The following NOD2 variants were observed in gnomAD, a reference collection of about 807,000 sequenced individuals.
NOD2 encodes the protein nucleotide binding oligomerization domain containing 2, also known as nucleotide-binding oligomerization domain-containing protein 2.
NOD2 carries 86 observed loss-of-function variants against 90.9 expected under a neutral mutation model. The observed-to-expected ratio is 0.95, with a 90% CI of 0.79 to 1.13. The LOEUF is 1.13. NOD2 is among the 50% of genes most tolerant of loss of function. The pLI, the probability that NOD2 is intolerant of heterozygous loss-of-function variation, is 0.00. For synonymous variants in NOD2, 581 were observed against 554.6 expected, an observed-to-expected ratio of 1.05 and a Z score of -0.67; for missense variants, 1,238 against 1,283.8, an observed-to-expected ratio of 0.96 and a Z score of 0.55.
At position 50,731,796 on chromosome 16, in the gene NOD2, A is replaced by G. The variant is rs752783717; in HGVS notation, c.3019A>G (p.Arg1007Gly). The change falls in exon 12 of 12, where the codon AGG becomes GGG. Residue 1007 changes from arginine (R) to glycine (G), a missense_variant. By Grantham distance (125) the Arg-to-Gly change is moderately radical. Transcript: ENST00000647318. Reference sequence around the variant, plus strand: ...AGAGGAGGTTGACAAGCTCGGCTGCAGGGACACCAGACTCTTGCTTTGAAG... The same window carrying G: ...AGAGGAGGTTGACAAGCTCGGCTGCGGGGACACCAGACTCTTGCTTTGAAG... ...SLEEVDKLGCRDTRLLL is the reference protein window; with the variant it reads ...SLEEVDKLGCGDTRLLL 6.2e-7 allele frequency: 1 copy of G among 1,613,742 alleles called. No individual in the cohort carries two copies. The highest frequency in any genetic ancestry group is 1.3e-5 in the African/African-American group (1 of 75,036).
At chr16:50,703,832 G>A (rs963963312) in intron 2 of NOD2, among the ~76,000 whole-genome samples, 1 of 152,092 alleles carries the variant, frequency 6.6e-6, no homozygotes, top group African/African-American at 2.4e-5. Flanking sequence ...GAAGTCAGTC[G>A]GCAATGCCAT....
intron 4 of NOD2, chr16:50,712,885 A>T (rs970593373): frequency 5.6e-6 from 1 of 177,594 alleles, no homozygotes; most frequent in Non-Finnish European, 1.2e-5. Context: ...CTTGTGCCCC[A>T]TCAGAGACTT....
chr16:50,723,672 C>T (rs1965167587), intron 9 of NOD2, among the ~76,000 whole-genome samples: 1 of 151,974 alleles, frequency 6.6e-6, no homozygotes, highest in African/African-American at 2.4e-5. Flanking sequence ...TCAAGCAGGC[C>T]GTGATCTTAG....
chr16:50,707,838 T>C lies in NOD2; in HGVS notation c.460-17T>C. 4 of 1,585,422 alleles carry C rather than the reference T, an allele frequency of 2.5e-6. No homozygotes were observed. Among genetic ancestry groups the C allele is most frequent in the Non-Finnish European group, 3.5e-6 (4 of 1,153,746 alleles). On this transcript the variant is annotated splice_polypyrimidine_tract_variant and intron_variant, in intron 2 of 11. Transcript: ENST00000647318. ...TCAGCCTTCCTGGAAGAATAATGTC[T>C]TCTGCCTTTCCTGTAGGCAAGAAGG...
At chr16:50,709,142 T>C (rs1964341758) in intron 3 of NOD2, among the ~76,000 whole-genome samples, 1 of 152,126 alleles carries the variant, frequency 6.6e-6, no homozygotes, top group Non-Finnish European at 1.5e-5. Flanking sequence ...ATATCTGATA[T>C]GTACTGGAGA....
In NOD2 at chr16:50,699,504, G is replaced by A. The variant is rs774491311; in HGVS notation, c.9G>A (p.Ser3=). 19 of 1,613,330 alleles carry A rather than the reference G, an allele frequency of 1.2e-5. No homozygotes were observed. The highest frequency in any genetic ancestry group is 5.0e-5 in the Admixed American group (3 of 60,006). The change falls in exon 2 of 12, where the codon TCG becomes TCA. Residue 3 remains serine, a synonymous_variant. Transcript: ENST00000647318. MC[S]QEAFQAQRSQ... ...CCTCCCCAGGTTGTGAAATGTGCTC[G>A]CAGGAGGCTTTTCAGGCACAGAGGA...
rs543921198 is a variant in NOD2, at chr16:50,728,834, C to G, written c.2886-984C>G. On this transcript the variant is annotated intron_variant, in intron 10 of 11. Transcript: ENST00000647318. ...GTCTCCCCTCCCTGTTGTCAGCTAC[C>G]TCATATGTTCTCTAATCTCTGTCTC... Among the ~76,000 whole-genome samples the G allele has an allele frequency of 1.3e-4, 20 of 152,278 alleles. No homozygotes were observed. In the South Asian group the frequency reaches 3.7e-3, roughly 28 times the overall value.
intron 2 of NOD2, 96 bp from the exon 3 acceptor site, chr16:50,707,759 A>T: frequency 1.1e-6 from 1 of 870,530 alleles, no homozygotes; most frequent in South Asian, 1.3e-5. Context: ...TTCTGGATGG[A>T]AGAGAGATGC....
rs1049406443 is a variant in NOD2 at position 50,731,477 on chromosome 16, A to C, written c.2970-270A>C. ...GACAGATTCTCTTATTGCCTTAAAA[A>C]GAATCACTGGCCTTGGGGAGTCTGT... is the stretch of plus-strand genomic sequence containing the variant. On this transcript the variant is annotated intron_variant, in intron 11 of 11. Coordinates refer to ENST00000647318, the MANE Select transcript of NOD2 (RefSeq NM_001370466.1). 8.5e-5 allele frequency among the ~76,000 whole-genome samples: 13 copies of C among 152,194 alleles called. 1 individual carries two copies. Among genetic ancestry groups the C allele is most frequent in the Admixed American group, 2.0e-4 (3 of 15,290 alleles).
At chr16:50,721,101 G>T (rs571579381) in intron 7 of NOD2, among the ~76,000 whole-genome samples, 2 of 149,522 alleles carry the variant, frequency 1.3e-5, no homozygotes, top group Non-Finnish European at 3.0e-5. Context: ...CACCGCACCC[G>T]GCCCCCAAGC....
chr16:50,702,323 G>C (rs1207955235), intron 2 of NOD2, among the ~76,000 whole-genome samples: 1 of 152,242 alleles, frequency 6.6e-6, no homozygotes, highest in Non-Finnish European at 1.5e-5. Flanking sequence ...ACTGAGCTGA[G>C]TGGGTAGCAG....
intron 11 of NOD2, among the ~76,000 whole-genome samples, chr16:50,730,890 A>T (rs1965430554): frequency 6.6e-6 from 1 of 152,244 alleles, no homozygotes; most frequent in African/African-American, 2.4e-5. Context: ...TGCAGATATC[A>T]AATGATGAAG....
intron 10 of NOD2, 145 bp from the exon 11 acceptor site, chr16:50,729,673 T>A (rs1965385764): frequency 1.5e-6 from 1 of 671,982 alleles, no homozygotes; most frequent in African/African-American, 1.8e-5. Flanking sequence ...GATGAGCTCA[T>A]TGGGAATCTC....
At chr16:50,720,343 A>T (rs934376083) in intron 7 of NOD2, among the ~76,000 whole-genome samples, 19 of 152,220 alleles carry the variant, frequency 1.2e-4, no homozygotes, top group Middle Eastern at 3.4e-3. Flanking sequence ...CAGGCCTCCC[A>T]CCCCAGACTG....
In NOD2 at chr16:50,699,458, G is replaced by C. The variant is rs756582922; in HGVS notation, c.-8-30G>C. 4 of 1,600,408 alleles carry C rather than the reference G, an allele frequency of 2.5e-6. No homozygotes were observed. The South Asian group carries it at 3.3e-5, about 13-fold the overall frequency. On this transcript the variant is annotated intron_variant, in intron 1 of 11. Transcript: ENST00000647318. ...CACCCTGCATCTGGCTTCTGGAGAA[G>C]TCCCGCACTGACCTTGTTCTCCTCC...
At chr16:50,695,161 G>A (rs75419932) in intron 1 of NOD2, among the ~76,000 whole-genome samples, 5 of 151,908 alleles carry the variant, frequency 3.3e-5, no homozygotes, top group Admixed American at 2.6e-4. Flanking sequence ...TGGATCATGG[G>A]GGGGGTGGGG....
intron 7 of NOD2, among the ~76,000 whole-genome samples, chr16:50,720,567 ACCCCAACCTGCAG>A (rs1567402174): frequency 6.6e-6 from 1 of 152,064 alleles, no homozygotes; most frequent in African/African-American, 2.4e-5. Flanking sequence ...GGAGGGGAGT[ACCCCAACCTGCAG>A]CCCCAGGGTG....
chr16:50,720,931 A>G (rs1269222716), intron 7 of NOD2, among the ~76,000 whole-genome samples: 1 of 152,108 alleles, frequency 6.6e-6, no homozygotes, highest in Non-Finnish European at 1.5e-5. Context: ...CAGCTTCTCA[A>G]GTAGCTGGGA....
chr16:50,704,797 C>T (rs1192698700), intron 2 of NOD2, among the ~76,000 whole-genome samples: 1 of 152,168 alleles, frequency 6.6e-6, no homozygotes, highest in East Asian at 1.9e-4. Flanking sequence ...GGATTAAAGG[C>T]GTGAGCCACC....
Sources: gnomAD v4.1 joint callset for allele counts (sites outside exome capture counted in the v4.1 genomes callset) on GRCh38, gnomAD v4.1.1 for gene constraint, MANE v1.5 for transcripts, NCBI Gene and HGNC (gene_info 2026-07-23, HGNC 2026-07-21) for gene names.